The following HUNK variants were observed in gnomAD, a reference collection of about 807,000 sequenced individuals.
The protein encoded by HUNK is hormonally up-regulated neu tumor-associated kinase.
HUNK carries 21 observed loss-of-function variants against 61.0 expected under a neutral mutation model. That is an observed-to-expected ratio of 0.34 (90% CI 0.24 to 0.50). HUNK has a LOEUF of 0.50. Ranked by LOEUF, HUNK falls within the 20% of genes least tolerant of loss-of-function variation. The pLI is 0.98. For missense variants in HUNK, 772 were observed against 945.7 expected, an observed-to-expected ratio of 0.82 and a Z score of 2.41; for synonymous variants, 371 against 386.1, an observed-to-expected ratio of 0.96 and a Z score of 0.46.
chr21:31,943,127 C>T lies in HUNK; in HGVS notation c.610+2907C>T, dbSNP rs116394128. Among the ~76,000 whole-genome samples the T allele has an allele frequency of 9.5e-3, 1,451 of 152,012 alleles. 24 individuals are homozygous for T. The highest frequency in any genetic ancestry group is 0.034 in the African/African-American group (1,397 of 41,456). On this transcript the variant is annotated intron_variant, in intron 3 of 10. Coordinates refer to ENST00000270112, the MANE Select transcript of HUNK (RefSeq NM_014586.2). The stretch of plus-strand genomic sequence containing the variant: ...AAGGTGATTATAGCTATTATGATTG[C>T]CTCTTAATAGTTTCTCTTTCTTTGA...
intron 8 of HUNK, among the ~76,000 whole-genome samples, chr21:31,988,656 C>T (rs906562735): frequency 7.3e-6 from 1 of 137,612 alleles, no homozygotes; most frequent in Admixed American, 7.0e-5. Flanking sequence ...TCTCTCTTTT[C>T]TCTCTTTTCT....
intron 1 of HUNK, among the ~76,000 whole-genome samples, chr21:31,900,680 A>C (rs1013361777): frequency 6.6e-6 from 1 of 152,224 alleles, no homozygotes; most frequent in Non-Finnish European, 1.5e-5. Context: ...TGAGTTAATC[A>C]GTACTCTGGA....
chr21:31,983,621 C>T lies in HUNK; in HGVS notation c.1257+12C>T. On this transcript the variant is annotated intron_variant, in intron 8 of 10. Transcript: ENST00000270112. ...AGGAGTCCTATGAGGTGAGTGACCC[C>T]TGAAGCAAACCTCAGGGTCTCTTAG... 1.9e-6 allele frequency: 3 copies of T among 1,583,840 alleles called. No homozygotes were observed. Among genetic ancestry groups the T allele is most frequent in the Non-Finnish European group, 2.6e-6 (3 of 1,153,734 alleles).
intron 1 of HUNK, among the ~76,000 whole-genome samples, chr21:31,919,694 C>G (rs749159179): frequency 6.6e-6 from 1 of 152,080 alleles, no homozygotes; most frequent in African/African-American, 2.4e-5. Flanking sequence ...AGAGGGAGTT[C>G]GTGAAGACTC....
chr21:31,930,264 A>T (rs1199099218), intron 2 of HUNK, among the ~76,000 whole-genome samples: 2 of 152,208 alleles, frequency 1.3e-5, no homozygotes, highest in Non-Finnish European at 1.5e-5. Flanking sequence ...TCCACTTCAC[A>T]TGGCTGTTGT....
At chr21:31,986,472 C>G (rs1367336050) in intron 8 of HUNK, among the ~76,000 whole-genome samples, 2 of 152,150 alleles carry the variant, frequency 1.3e-5, no homozygotes, top group Non-Finnish European at 2.9e-5. Flanking sequence ...GCCCGCCACT[C>G]TCTCCTGCCT....
intron 10 of HUNK, among the ~76,000 whole-genome samples, chr21:31,997,201 T>G (rs1228983742): frequency 6.6e-6 from 1 of 152,258 alleles, no homozygotes; most frequent in Non-Finnish European, 1.5e-5. Context: ...TGAACTTGGC[T>G]TTATTTCCCT....
chr21:31,940,213 G>A lies in HUNK; in HGVS notation c.603G>A (p.Lys201=), dbSNP rs767262010. Residue 201 remains lysine (K), a synonymous_variant, in exon 3 of 11, where the codon AAG becomes AAA. Coordinates refer to ENST00000270112, the MANE Select transcript of HUNK (RefSeq NM_014586.2). ...NLLLDEDNNI[K]LIDFGLSNCA... is the part of the protein sequence containing the mutation. ...TACTAGATGAAGACAATAATATCAA[G>A]CTGATTGGTATGACTTTTTTTTTTT... 7 of 1,576,206 alleles carry A rather than the reference G, an allele frequency of 4.4e-6. No individual in the cohort carries two copies. The South Asian group carries it at 8.2e-5, about 19-fold the overall frequency.
At chr21:31,973,280 A>C (rs113203488) in intron 6 of HUNK, among the ~76,000 whole-genome samples, 2,752 of 152,206 alleles carry the variant, frequency 0.018, 80 homozygotes, top group African/African-American at 0.062. Flanking sequence ...CGTCATTTGC[A>C]TTAGGTATAT....
intron 1 of HUNK, among the ~76,000 whole-genome samples, chr21:31,898,181 A>G (rs1302212577): frequency 7.9e-6 from 1 of 125,904 alleles, no homozygotes; most frequent in Non-Finnish European, 1.6e-5. Flanking sequence ...TTTAATCCAT[A>G]TACTCTGTAG....
At chr21:31,941,162 C>T (rs2052765969) in intron 3 of HUNK, among the ~76,000 whole-genome samples, 1 of 152,214 alleles carries the variant, frequency 6.6e-6, no homozygotes, top group Non-Finnish European at 1.5e-5. Flanking sequence ...GATAATTAAA[C>T]ACCACTGATA....
At chr21:31,887,910 A>G (rs1601359602) in intron 1 of HUNK, among the ~76,000 whole-genome samples, 1 of 152,130 alleles carries the variant, frequency 6.6e-6, no homozygotes, top group Non-Finnish European at 1.5e-5. Flanking sequence ...CAGGAAAGAA[A>G]TGGGTACATG....
chr21:31,900,720 G>T (rs1244382947), intron 1 of HUNK, among the ~76,000 whole-genome samples: 1 of 152,182 alleles, frequency 6.6e-6, no homozygotes, highest in Non-Finnish European at 1.5e-5. Flanking sequence ...TCAGCCTTGG[G>T]TTTATCGTGT....
chr21:31,908,084 G>A (rs1287399139), intron 1 of HUNK, among the ~76,000 whole-genome samples: 1 of 152,110 alleles, frequency 6.6e-6, no homozygotes. Context: ...AACTTAAGGA[G>A]TATGTGTCTC....
chr21:31,933,970 G>A (rs897891211), intron 2 of HUNK, among the ~76,000 whole-genome samples: 11 of 151,842 alleles, frequency 7.2e-5, no homozygotes, highest in African/African-American at 1.9e-4. Flanking sequence ...GTCATGTGCC[G>A]ACCAGCCTGC....
chr21:31,958,872 G>T lies in HUNK; in HGVS notation c.776G>T (p.Gly259Val). 1 of 1,609,292 alleles carries T rather than the reference G, an allele frequency of 6.2e-7. No individual in the cohort carries two copies. Residue 259 changes from glycine to valine, a missense_variant, in exon 5 of 11, where the codon GGG becomes GTG. Transcript: ENST00000270112. Reference protein sequence around the residue: ...IGVNMYAMLTGTLPFTVEPFS... With the variant: ...IGVNMYAMLTVTLPFTVEPFS... ...GTGAACATGTATGCCATGTTGACCGGGACGCTGCCTTTCACGGTGGAGCCT... is the reference window on the plus strand; with the variant it reads ...GTGAACATGTATGCCATGTTGACCGTGACGCTGCCTTTCACGGTGGAGCCT...
chr21:31,882,840 G>T (rs1380041451), intron 1 of HUNK, among the ~76,000 whole-genome samples: 1 of 152,110 alleles, frequency 6.6e-6, no homozygotes, highest in African/African-American at 2.4e-5. Flanking sequence ...TTTTTAAACT[G>T]TACATGCTGT....
At chr21:31,929,814 G>A (rs973719322) in intron 2 of HUNK, among the ~76,000 whole-genome samples, 5 of 152,210 alleles carry the variant, frequency 3.3e-5, no homozygotes, top group African/African-American at 7.2e-5. Context: ...GGCTCTCTGC[G>A]CTTAAGAGGA....
intron 2 of HUNK, among the ~76,000 whole-genome samples, chr21:31,931,570 G>T (rs1398214437): frequency 2.0e-5 from 3 of 152,072 alleles, no homozygotes; most frequent in Admixed American, 2.0e-4. Flanking sequence ...GGGCCGGGTT[G>T]GCGGGTCCAT....
Sources: allele counts gnomAD v4.1 joint callset (sites outside exome capture counted in the v4.1 genomes callset), GRCh38; gene constraint gnomAD v4.1.1; transcripts MANE v1.5; gene names NCBI Gene and HGNC (gene_info 2026-07-23, HGNC 2026-07-21).